The following FUT8 variants were observed in gnomAD, a reference collection of about 807,000 sequenced individuals.
FUT8 encodes fucosyltransferase 8.
FUT8 carries 29 observed loss-of-function variants against 71.3 expected under a neutral mutation model. The ratio of observed to expected loss-of-function variants is 0.41; its 90% confidence interval spans 0.30 to 0.55. The LOEUF is 0.55. FUT8 is among the 20% of genes least tolerant of loss of function. The pLI is 0.34. For missense variants in FUT8, 544 were observed against 702.1 expected, an observed-to-expected ratio of 0.77 and a Z score of 2.55; for synonymous variants, 254 against 239.3, an observed-to-expected ratio of 1.06 and a Z score of -0.57.
At chr14:65,527,118 A>C (rs1020705881) in intron 2 of FUT8, among the ~76,000 whole-genome samples, 1 of 152,142 alleles carries the variant, frequency 6.6e-6, no homozygotes, top group African/African-American at 2.4e-5. Context: ...CTGCCTTGCT[A>C]GGTTGGGGAA....
chr14:65,596,985 C>T (rs560823929), intron 3 of FUT8, among the ~76,000 whole-genome samples: 46 of 152,308 alleles, frequency 3.0e-4, no homozygotes, highest in Non-Finnish European at 3.7e-4. Flanking sequence ...TACCAGTAAT[C>T]TGTGCTGTTC....
chr14:65,512,927 A>AG, intron 2 of FUT8, among the ~76,000 whole-genome samples: 1 of 148,822 alleles, frequency 6.7e-6, no homozygotes, highest in African/African-American at 2.5e-5. Context: ...AAAAAAAAAG[A>AG]AAAAGAAATT....
the FUT8 span, among the ~76,000 whole-genome samples, chr14:65,384,017 G>A: frequency 1.6e-3 from 250 of 152,182 alleles, 1 homozygote; most frequent in Non-Finnish European, 1.8e-3. This position sits in a 1 kb window ranked among gnomAD's most constrained non-coding sequence, Gnocchi z 4.2. Flanking sequence ...GAAGCAGAAT[G>A]GGCACAGTGA....
At chr14:65,571,510 A>T (rs1160695874) in intron 3 of FUT8, among the ~76,000 whole-genome samples, 1 of 152,146 alleles carries the variant, frequency 6.6e-6, no homozygotes, top group African/African-American at 2.4e-5. Context: ...GGCCTGCAAG[A>T]ATCTCACGTG....
Position 65,541,735 on chromosome 14 carries a change from T to C in FUT8, c.-227-19602T>C, listed in dbSNP as rs76079444. ...CCCAGAAATGATGTTTTACCAGTGA[T>C]CTGGGTATCCCTTAACCCAGTCACG... On this transcript the variant is annotated intron_variant, in intron 2 of 10. Transcript: ENST00000673929. Among the ~76,000 whole-genome samples the C allele has an allele frequency of 4.1e-3, 621 of 152,312 alleles. 32 individuals are homozygous for C. The East Asian group carries it at 0.097, about 24-fold the overall frequency.
intron 2 of FUT8, among the ~76,000 whole-genome samples, chr14:65,545,465 TGTTA>T (rs1332231651): frequency 6.6e-6 from 1 of 151,898 alleles, no homozygotes; most frequent in East Asian, 1.9e-4. Flanking sequence ...TCTAGTAGAT[TGTTA>T]ATGAAGAAAA....
intron 2 of FUT8, among the ~76,000 whole-genome samples, chr14:65,523,869 G>C (rs1883258223): frequency 6.6e-6 from 1 of 152,178 alleles, no homozygotes. Context: ...GGTTTGTCAA[G>C]ATCAGATGGT....
At chr14:65,504,486 C>A (rs530301523) in intron 2 of FUT8, among the ~76,000 whole-genome samples, 99 of 152,290 alleles carry the variant, frequency 6.5e-4, no homozygotes, top group Non-Finnish European at 1.2e-3. Context: ...TAATACCTGT[C>A]TTCATAATTG....
chr14:65,508,743 C>T (rs1882129022), intron 2 of FUT8, among the ~76,000 whole-genome samples: 1 of 151,926 alleles, frequency 6.6e-6, no homozygotes. Context: ...CTCAGGTAAT[C>T]CACCCGCTTC....
chr14:65,448,433 C>G (rs1002922316), intron 1 of FUT8, among the ~76,000 whole-genome samples: 2 of 152,218 alleles, frequency 1.3e-5, no homozygotes, highest in African/African-American at 4.8e-5. Context: ...TTAGAATAAT[C>G]ATAGACAATA....
intron 6 of FUT8, among the ~76,000 whole-genome samples, chr14:65,665,325 C>G (rs1185547964): frequency 1.3e-5 from 2 of 152,108 alleles, no homozygotes; most frequent in Non-Finnish European, 2.9e-5. Context: ...TGCTGAAATG[C>G]TGCTGGAATA....
intron 5 of FUT8, among the ~76,000 whole-genome samples, chr14:65,622,085 A>G (rs1276741143): frequency 6.6e-6 from 1 of 152,176 alleles, no homozygotes. Context: ...CAGCCTCTCA[A>G]AGTGCTGGGA....
chr14:65,423,054 C>T (rs1487819915), intron 1 of FUT8, among the ~76,000 whole-genome samples: 23 of 147,814 alleles, frequency 1.6e-4, no homozygotes, highest in Admixed American at 5.4e-4. Flanking sequence ...GGCGCGATCT[C>T]GGCTCACTGC....
At chr14:65,534,589 A>C (rs1884171582) in intron 2 of FUT8, among the ~76,000 whole-genome samples, 1 of 123,054 alleles carries the variant, frequency 8.1e-6, no homozygotes, top group South Asian at 2.5e-4. Context: ...TTTATTACTG[A>C]TTAAATTTTG....
intron 2 of FUT8, among the ~76,000 whole-genome samples, chr14:65,549,929 C>T (rs776726640): frequency 1.3e-5 from 2 of 152,078 alleles, no homozygotes; most frequent in East Asian, 1.9e-4. Flanking sequence ...GGCATGGTGG[C>T]GCGTGCCTGT....
chr14:65,442,839 A>AT (rs56142366), intron 1 of FUT8, among the ~76,000 whole-genome samples: 1 of 151,108 alleles, frequency 6.6e-6, no homozygotes, highest in South Asian at 2.1e-4. Context: ...AAAAAAAAAA[A>AT]TTAAGAATAC....
chr14:65,603,824 A>T lies in FUT8; in HGVS notation c.204-12154A>T, dbSNP rs1415652177. Among the ~76,000 whole-genome samples, 1 of 151,914 alleles carries T rather than the reference A, an allele frequency of 6.6e-6. No individual in the cohort carries two copies. Among genetic ancestry groups the T allele is most frequent in the Admixed American group, 6.6e-5 (1 of 15,210 alleles). ...CCACTTAAAAGGTACAGAATTGCAG[A>T]ATGGATTCGAATTCACAAACCAAGC... On this transcript the variant is annotated intron_variant, in intron 3 of 10. Transcript: ENST00000673929. The surrounding 1 kb of genome is among the most constrained non-coding windows in gnomAD (Gnocchi z 4.5).
chr14:65,569,506 A>T (rs1724006678), intron 3 of FUT8, among the ~76,000 whole-genome samples: 1 of 151,730 alleles, frequency 6.6e-6, no homozygotes, highest in South Asian at 2.1e-4. Flanking sequence ...AATCACACAC[A>T]GTTAGTAATT....
chr14:65,608,992 A>G (rs1037169740), intron 3 of FUT8, among the ~76,000 whole-genome samples: 6 of 151,750 alleles, frequency 4.0e-5, no homozygotes, highest in African/African-American at 1.5e-4. Context: ...TAACAGATGT[A>G]GGATTTAAAA....
Sources: gnomAD v4.1 joint callset for allele counts (sites outside exome capture counted in the v4.1 genomes callset) on GRCh38, gnomAD v4.1.1 for gene constraint, Gnocchi (gnomAD v3.1) non-coding constraint, MANE v1.5 for transcripts, NCBI Gene and HGNC (gene_info 2026-07-23, HGNC 2026-07-21) for gene names.